The following ADAMTS18 variants were observed in gnomAD, a reference collection of about 807,000 sequenced individuals.
The protein encoded by ADAMTS18 is A disintegrin and metalloproteinase with thrombospondin motifs 18.
A neutral mutation model predicts 165.9 loss-of-function variants in ADAMTS18; 157 were observed. The observed-to-expected ratio is 0.95, with a 90% CI of 0.83 to 1.08. The LOEUF (loss-of-function observed/expected upper bound fraction) is 1.08. Among genes scored for constraint, ADAMTS18 ranks in the 50% least tolerant of loss-of-function variants. The pLI is 0.00. For synonymous variants in ADAMTS18, 782 were observed against 578.2 expected (o/e 1.35, Z -5.06); for missense variants, 2,040 against 1,534.0 (o/e 1.33, Z -5.51).
chr16:77,295,414 T>C (rs573500325), intron 18 of ADAMTS18, among the ~76,000 whole-genome samples: 22 of 152,292 alleles, frequency 1.4e-4, no homozygotes, highest in African/African-American at 5.3e-4. Context: ...GAGCCAAATT[T>C]GTTGGGATTT....
intron 3 of ADAMTS18, among the ~76,000 whole-genome samples, chr16:77,390,444 T>C (rs1481491254): frequency 6.6e-6 from 1 of 152,022 alleles, no homozygotes; most frequent in Admixed American, 6.6e-5. Flanking sequence ...GTAATCCCAG[T>C]ACTTTCGGAG....
chr16:77,417,347 A>G (rs1197551979), intron 3 of ADAMTS18, among the ~76,000 whole-genome samples: 1 of 152,114 alleles, frequency 6.6e-6, no homozygotes, highest in East Asian at 1.9e-4. Context: ...GAAAAGAAAA[A>G]GAAATGTCAA....
At chr16:77,357,356 G>C (rs938109031) in intron 8 of ADAMTS18, among the ~76,000 whole-genome samples, 3 of 152,096 alleles carry the variant, frequency 2.0e-5, no homozygotes, top group Admixed American at 2.0e-4. Context: ...ATTCAGAGGT[G>C]ACCACTCAAA....
intron 10 of ADAMTS18, among the ~76,000 whole-genome samples, chr16:77,350,978 G>A (rs752028340): frequency 1.3e-5 from 2 of 152,088 alleles, no homozygotes; most frequent in African/African-American, 4.8e-5. Flanking sequence ...AAGTAATAAT[G>A]GGACAATAAA....
At chr16:77,357,780 T>C (rs185869404) in intron 8 of ADAMTS18, among the ~76,000 whole-genome samples, 53 of 152,324 alleles carry the variant, frequency 3.5e-4, no homozygotes, top group African/African-American at 1.3e-3. Flanking sequence ...TCAGGAATTG[T>C]CTGTTTCAGA....
At position 77,415,001 on chromosome 16, in the gene ADAMTS18, C is replaced by G. The variant is rs2057511393; in HGVS notation, c.495+16294G>C. 2.0e-5 allele frequency among the ~76,000 whole-genome samples: 3 copies of G among 152,300 alleles called. No homozygotes were observed. The South Asian group carries it at 6.2e-4, about 32-fold the overall frequency. ...CATCTGCAGTTATTGTTGGCAGACA[C>G]AGAGAGGTGAGTAATAACAAGACAA... On this transcript the variant is annotated intron_variant, in intron 3 of 22. Coordinates refer to ENST00000282849, the MANE Select transcript of ADAMTS18 (RefSeq NM_199355.4).
At chr16:77,372,378 A>C (rs1396331443) in intron 3 of ADAMTS18, among the ~76,000 whole-genome samples, 1 of 152,240 alleles carries the variant, frequency 6.6e-6, no homozygotes, top group Non-Finnish European at 1.5e-5. Flanking sequence ...AGTGTCTGTC[A>C]ACAAACAAAT....
intron 3 of ADAMTS18, among the ~76,000 whole-genome samples, chr16:77,383,970 C>G (rs1372340653): frequency 6.6e-6 from 1 of 152,032 alleles, no homozygotes; most frequent in Non-Finnish European, 1.5e-5. Flanking sequence ...TTTTTTCCCC[C>G]ATAACAGCCT....
intron 3 of ADAMTS18, chr16:77,378,732 A>T (rs1411776976): frequency 6.6e-6 from 1 of 152,210 alleles, no homozygotes. Flanking sequence ...TAAAAATAAA[A>T]AAAGAAATAA....
At chr16:77,407,986 T>C (rs993060945) in intron 3 of ADAMTS18, among the ~76,000 whole-genome samples, 10 of 152,048 alleles carry the variant, frequency 6.6e-5, no homozygotes, top group Non-Finnish European at 8.8e-5. Context: ...CATACCAGGA[T>C]GTACAAGAAA....
chr16:77,373,582 A>T (rs193196369), intron 3 of ADAMTS18, among the ~76,000 whole-genome samples: 7 of 152,244 alleles, frequency 4.6e-5, no homozygotes, highest in Admixed American at 4.6e-4. Flanking sequence ...AGTGGAGATG[A>T]GGGATAAAAG....
At chr16:77,353,942 T>TACGACA in intron 9 of ADAMTS18, 56 bp from the exon 10 acceptor site, 2 of 1,604,572 alleles carry the variant, frequency 1.2e-6, no homozygotes, top group Non-Finnish European at 1.7e-6. Context: ...TCTTTCCATT[T>TACGACA]ACGACAACAC....
chr16:77,334,065 TGC>T (rs1349377308), intron 12 of ADAMTS18, among the ~76,000 whole-genome samples: 1 of 116,936 alleles, frequency 8.6e-6, no homozygotes, highest in Non-Finnish European at 1.7e-5. Context: ...GTGCTATATA[TGC>T]TATATATAAT....
intron 10 of ADAMTS18, among the ~76,000 whole-genome samples, chr16:77,353,090 C>G (rs2056578948): frequency 6.8e-6 from 1 of 147,002 alleles, no homozygotes. Context: ...AAAACAACAA[C>G]AACGACAACA....
At chr16:77,412,346 G>A (rs1257478501) in intron 3 of ADAMTS18, among the ~76,000 whole-genome samples, 2 of 151,632 alleles carry the variant, frequency 1.3e-5, no homozygotes, top group Non-Finnish European at 2.9e-5. Flanking sequence ...TTCTTTTTTT[G>A]AGACAGGGTC....
chr16:77,410,702 C>T (rs1276326296), intron 3 of ADAMTS18, among the ~76,000 whole-genome samples: 1 of 152,068 alleles, frequency 6.6e-6, no homozygotes, highest in Non-Finnish European at 1.5e-5. Context: ...TGCTGAGAAA[C>T]CGATGGTATA....
At chr16:77,317,614 C>T (rs1243966407) in intron 16 of ADAMTS18, among the ~76,000 whole-genome samples, 1 of 152,178 alleles carries the variant, frequency 6.6e-6, no homozygotes, top group Admixed American at 6.6e-5. Flanking sequence ...TGGACATTTT[C>T]ACTATTCTGC....
chr16:77,422,996 C>A (rs1441253488), intron 3 of ADAMTS18, among the ~76,000 whole-genome samples: 1 of 152,142 alleles, frequency 6.6e-6, no homozygotes, highest in Non-Finnish European at 1.5e-5. Context: ...GACTCTGAGT[C>A]CCCCATAGGT....
intron 10 of ADAMTS18, among the ~76,000 whole-genome samples, chr16:77,352,710 G>A (rs893849173): frequency 6.6e-6 from 1 of 152,044 alleles, no homozygotes; most frequent in Non-Finnish European, 1.5e-5. Context: ...AGTAGAGGGG[G>A]AAAGAGGAGC....
Sources: allele counts gnomAD v4.1 joint callset (sites outside exome capture counted in the v4.1 genomes callset), GRCh38; gene constraint gnomAD v4.1.1; transcripts MANE v1.5; gene names NCBI Gene and HGNC (gene_info 2026-07-23, HGNC 2026-07-21).